The following SNX6 variants were observed in gnomAD, a reference collection of about 807,000 sequenced individuals.
SNX6 encodes sorting nexin-6.
Under a neutral mutation model 63.0 loss-of-function variants are expected in SNX6, and 34 were observed. The observed-to-expected ratio is 0.54, with a 90% CI of 0.41 to 0.72. The LOEUF (loss-of-function observed/expected upper bound fraction) is 0.72. Among genes scored for constraint, SNX6 ranks in the 30% least tolerant of loss-of-function variants. SNX6 has a pLI of 0.00. For synonymous variants in SNX6, 170 were observed against 164.2 expected, an observed-to-expected ratio of 1.04 and a Z score of -0.27; for missense variants, 398 against 471.4, an observed-to-expected ratio of 0.84 and a Z score of 1.44.
chr14:34,594,406 T>A (rs1431367226), intron 7 of SNX6, among the ~76,000 whole-genome samples: 2 of 152,096 alleles, frequency 1.3e-5, no homozygotes, highest in African/African-American at 4.8e-5. Context: ...CAGGCTGGAC[T>A]GCAGTGGTGC....
At chr14:34,584,583 TATAC>T (rs768935311) in intron 9 of SNX6, among the ~76,000 whole-genome samples, 8 of 152,074 alleles carry the variant, frequency 5.3e-5, no homozygotes, top group African/African-American at 1.7e-4. Context: ...CATAAACACA[TATAC>T]ATACATACAT....
chr14:34,564,175 G>A (rs1419872309), intron 13 of SNX6, among the ~76,000 whole-genome samples: 1 of 151,424 alleles, frequency 6.6e-6, no homozygotes, highest in Admixed American at 6.6e-5. Context: ...TTACAGGCGC[G>A]TGCCACCACG....
At chr14:34,569,061 T>A in intron 11 of SNX6, 1 of 1,247,310 alleles carries the variant, frequency 8.0e-7, no homozygotes. Context: ...TCCCAGACTT[T>A]CTGAGGAAGG....
At chr14:34,619,428 AT>A (rs1347285454) in intron 2 of SNX6, among the ~76,000 whole-genome samples, 6 of 150,646 alleles carry the variant, frequency 4.0e-5, no homozygotes, top group Non-Finnish European at 4.4e-5. Flanking sequence ...TCTCAAAAAA[AT>A]ATATATATAT....
In SNX6 at chr14:34,567,976, T is replaced by A; in HGVS notation, c.959A>T (p.Tyr320Phe). 1 of 1,612,212 alleles carries A rather than the reference T, an allele frequency of 6.2e-7. No individual in the cohort carries two copies. The highest frequency in any genetic ancestry group is 8.5e-7 in the Non-Finnish European group (1 of 1,179,968). Reference protein sequence around the residue: ...LYRRSRSLVDYENANKALDKA... With the variant: ...LYRRSRSLVDFENANKALDKA... ...ATCCAGTGCTTTATTAGCATTTTCA[T>A]AATCCACTAGTGACCTAGACCTTCG... The change falls in exon 12 of 14, where the codon TAT (tyrosine) becomes TTT (phenylalanine). Residue 320 changes from tyrosine to phenylalanine, a missense_variant. Tyr to Phe is a conservative substitution (Grantham distance 22). Transcript: ENST00000362031.
At chr14:34,593,224 T>C (rs947466683) in intron 7 of SNX6, 74 bp from the exon 8 acceptor site, 5 of 880,066 alleles carry the variant, frequency 5.7e-6, no homozygotes, top group Non-Finnish European at 8.7e-6. Flanking sequence ...ACTATCATTA[T>C]AAATATAAAA....
intron 3 of SNX6, 135 bp downstream of exon 3, chr14:34,609,503 A>AAAG (rs1304142995): frequency 4.2e-6 from 2 of 476,170 alleles, no homozygotes; most frequent in Non-Finnish European, 7.5e-6. Context: ...AAAAAAAAAA[A>AAAG]AGTACATTTT....
chr14:34,592,484 CA>C (rs754289041), intron 8 of SNX6, among the ~76,000 whole-genome samples: 1 of 152,292 alleles, frequency 6.6e-6, no homozygotes, highest in South Asian at 2.1e-4. Flanking sequence ...TACGCAGCAG[CA>C]ACTTTATCCA....
chr14:34,602,907 C>A (rs184003629), intron 6 of SNX6, among the ~76,000 whole-genome samples: 1 of 146,996 alleles, frequency 6.8e-6, no homozygotes, highest in African/African-American at 2.5e-5. Flanking sequence ...ACCCGGGAGG[C>A]GGAGCTTGCA....
intron 8 of SNX6, among the ~76,000 whole-genome samples, chr14:34,588,331 C>T (rs992094487): frequency 2.6e-5 from 4 of 151,692 alleles, no homozygotes; most frequent in Non-Finnish European, 5.9e-5. Context: ...ATCATGTGGG[C>T]GAGGCTGACC....
At chr14:34,563,264 A>C in intron 13 of SNX6, 89 bp from the exon 14 acceptor site, 1 of 1,318,426 alleles carries the variant, frequency 7.6e-7, no homozygotes, top group African/African-American at 1.5e-5. Flanking sequence ...ACGACATAAA[A>C]TATAGTGTTA....
intron 2 of SNX6, among the ~76,000 whole-genome samples, chr14:34,617,162 A>G (rs915419451): frequency 6.6e-6 from 1 of 152,150 alleles, no homozygotes; most frequent in African/African-American, 2.4e-5. Flanking sequence ...TCAATGGCTT[A>G]ATCTTTTTCT....
chr14:34,580,449 G>C (rs1881890528), intron 10 of SNX6, among the ~76,000 whole-genome samples: 1 of 150,258 alleles, frequency 6.7e-6, no homozygotes, highest in Admixed American at 6.7e-5. Flanking sequence ...CTACAGTTGT[G>C]CGCCACCACG....
At chr14:34,588,379 A>C (rs10872887) in intron 8 of SNX6, among the ~76,000 whole-genome samples, 130,080 of 151,942 alleles carry the variant, frequency 0.86, 55,805 homozygotes, top group African/African-American at 0.88. Context: ...TTGCCTCAGC[A>C]TCCCAAAATG....
chr14:34,589,968 A>C (rs1882326133), intron 8 of SNX6, among the ~76,000 whole-genome samples: 1 of 152,104 alleles, frequency 6.6e-6, no homozygotes. Flanking sequence ...GCAACAACAA[A>C]AATTAGCCAC....
chr14:34,581,111 A>ACCACAT (rs988818407), intron 10 of SNX6, among the ~76,000 whole-genome samples: 1 of 152,206 alleles, frequency 6.6e-6, no homozygotes, highest in African/African-American at 2.4e-5. Flanking sequence ...GTTAAATATT[A>ACCACAT]CCACATGCAG....
chr14:34,606,706 C>A (rs1342673512), intron 4 of SNX6, among the ~76,000 whole-genome samples: 1 of 152,148 alleles, frequency 6.6e-6, no homozygotes, highest in Non-Finnish European at 1.5e-5. Context: ...CCCGCCTCGG[C>A]CTCCCAGCCA....
intron 10 of SNX6, among the ~76,000 whole-genome samples, chr14:34,577,646 A>C (rs537019744): frequency 8.1e-4 from 123 of 152,154 alleles, no homozygotes; most frequent in Non-Finnish European, 1.5e-3. Flanking sequence ...GGATGAAAAG[A>C]AATTTATTAT....
In SNX6 at chr14:34,618,690, G is replaced by C. The variant is rs553952918; in HGVS notation, c.55-8948C>G. Among the ~76,000 whole-genome samples the C allele has an allele frequency of 2.6e-5, 4 of 152,126 alleles. No homozygotes were observed. In the South Asian group the frequency reaches 8.3e-4, roughly 32 times the overall value. ...CACAAACATGCTGCCGTCTCAGGGA[G>C]TCTTTGCAACCGCTGGTTCCCTCTG... is the stretch of plus-strand genomic sequence containing the variant. On this transcript the variant is annotated intron_variant, in intron 2 of 13. Coordinates refer to ENST00000362031, the MANE Select transcript of SNX6 (RefSeq NM_152233.4).
Sources: gnomAD v4.1 joint callset for allele counts (sites outside exome capture counted in the v4.1 genomes callset) on GRCh38, gnomAD v4.1.1 for gene constraint, MANE v1.5 for transcripts, NCBI Gene and HGNC (gene_info 2026-07-23, HGNC 2026-07-21) for gene names.